FGF18: variants seen among roughly 807,000 people sequenced by gnomAD.
FGF18 encodes the protein fibroblast growth factor 18.
A neutral mutation model predicts 23.0 loss-of-function variants in FGF18; 5 were observed. The ratio of observed to expected loss-of-function variants is 0.22; its 90% CI spans 0.11 to 0.46. FGF18 has a LOEUF of 0.46. FGF18 is among the 20% of genes least tolerant of loss of function. FGF18 has a pLI of 0.99. For missense variants in FGF18, 180 were observed against 291.6 expected (o/e 0.62, Z 2.79); for synonymous variants, 117 against 118.9 (o/e 0.98, Z 0.10).
rs376902053 is a variant in FGF18, at chr5:171,436,292, C to T, written c.250+19C>T. The T allele has an allele frequency of 1.8e-4, 280 of 1,518,742 alleles. No homozygotes were observed. Among genetic ancestry groups the T allele is most frequent in the Non-Finnish European group, 2.4e-4 (271 of 1,127,244 alleles). The allele number at this position is 1,518,742 out of a possible 1,614,324, so 94.1% of individuals were successfully genotyped here. Reference sequence around the variant, plus strand: ...AAGTATGGTATGTGCCAACCCTCTCCTCCTACTCCGTGTACCCGTGTACAT... The same window carrying T: ...AAGTATGGTATGTGCCAACCCTCTCTTCCTACTCCGTGTACCCGTGTACAT... On this transcript the variant is annotated intron_variant, in intron 3 of 4. Transcript: ENST00000274625. The surrounding 1 kb of genome is among the most constrained non-coding windows in gnomAD (Gnocchi z 4.4).
intron 3 of FGF18, among the ~76,000 whole-genome samples, chr5:171,443,827 G>A (rs536632729): frequency 3.9e-5 from 6 of 152,076 alleles, no homozygotes; most frequent in African/African-American, 1.4e-4. Flanking sequence ...TTTTCTTTCT[G>A]CCACTCTCCT....
Position 171,451,228 on chromosome 5 carries a change from C to T in FGF18, c.357+1975C>T, listed in dbSNP as rs964364243. 6.6e-6 allele frequency among the ~76,000 whole-genome samples: 1 copy of T among 152,150 alleles called. No individual in the cohort carries two copies. The highest frequency in any genetic ancestry group is 2.4e-5 in the African/African-American group (1 of 41,452). ...AGCGGAGGGAGGCCCGGCCCCGGCCCCCGGCGCCTCCCCCGCTCCCGCCCA... is the reference window on the plus strand; with the variant it reads ...AGCGGAGGGAGGCCCGGCCCCGGCCTCCGGCGCCTCCCCCGCTCCCGCCCA... On this transcript the variant is annotated intron_variant, in intron 4 of 4. Coordinates refer to ENST00000274625, the MANE Select transcript of FGF18 (RefSeq NM_003862.3). The surrounding 1 kb of genome is among the most constrained non-coding windows in gnomAD (Gnocchi z 4.5).
intron 2 of FGF18, among the ~76,000 whole-genome samples, chr5:171,430,068 A>G (rs1262917401): frequency 6.6e-6 from 1 of 152,196 alleles, no homozygotes; most frequent in Non-Finnish European, 1.5e-5. Context: ...GGGAATAATA[A>G]TCGTACCAGG....
intron 4 of FGF18, among the ~76,000 whole-genome samples, chr5:171,452,320 A>G (rs140950043): frequency 3.1e-3 from 473 of 152,338 alleles, no homozygotes; most frequent in African/African-American, 0.011. Context: ...CTCCAGTGCC[A>G]ACTCCTTTGG....
At chr5:171,433,750 C>T (rs1286736895) in intron 2 of FGF18, among the ~76,000 whole-genome samples, 1 of 152,182 alleles carries the variant, frequency 6.6e-6, no homozygotes, top group Non-Finnish European at 1.5e-5. Flanking sequence ...TTAGTGTCTC[C>T]ATCCATTCAA....
chr5:171,423,495 G>T (rs930757980), intron 2 of FGF18, among the ~76,000 whole-genome samples: 3 of 152,124 alleles, frequency 2.0e-5, no homozygotes, highest in Non-Finnish European at 4.4e-5. Context: ...GCATGAGGCG[G>T]GCCAGGCTCG....
At chr5:171,445,862 A>G (rs946679267) in intron 3 of FGF18, among the ~76,000 whole-genome samples, 2 of 152,196 alleles carry the variant, frequency 1.3e-5, no homozygotes, top group African/African-American at 4.8e-5. Context: ...AGGCCCCACA[A>G]ATGGAGCTGT....
chr5:171,423,502 C>T (rs886400919), intron 2 of FGF18, among the ~76,000 whole-genome samples: 6 of 152,170 alleles, frequency 3.9e-5, no homozygotes, highest in Non-Finnish European at 5.9e-5. Context: ...GCGGGCCAGG[C>T]TCGGCGGGGT....
chr5:171,442,299 G>A (rs1233086862), intron 3 of FGF18, among the ~76,000 whole-genome samples: 6 of 152,100 alleles, frequency 3.9e-5, no homozygotes, highest in Admixed American at 6.5e-5. Flanking sequence ...ACAGGGAAGC[G>A]TCTCCAGAAA....
At position 171,451,303 on chromosome 5, in the gene FGF18, C is replaced by T. The variant is rs1182464412; in HGVS notation, c.357+2050C>T. Among the ~76,000 whole-genome samples the T allele has an allele frequency of 6.6e-6, 1 of 152,152 alleles. No homozygotes were observed. Among genetic ancestry groups the T allele is most frequent in the Non-Finnish European group, 1.5e-5 (1 of 68,012 alleles). On this transcript the variant is annotated intron_variant, in intron 4 of 4. Transcript: ENST00000274625. This position sits in a 1 kb window ranked among gnomAD's most constrained non-coding sequence, Gnocchi z 4.5. The stretch of plus-strand genomic sequence containing the variant: ...TTGCCAGCCTCCTGTCTTCTGGGCC[C>T]ACCCGGGGGACTCGAGGACGCCACC...
In FGF18 at chr5:171,439,922, C is replaced by T. The variant is rs79653060; in HGVS notation, c.250+3649C>T. On this transcript the variant is annotated intron_variant, in intron 3 of 4. Coordinates refer to ENST00000274625, the MANE Select transcript of FGF18 (RefSeq NM_003862.3). The stretch of plus-strand genomic sequence containing the variant: ...AAAATGATTAAAAAACCCCATTTTG[C>T]GGTAGGCCAGCCTCCAGACTGACAG... 5.8e-4 allele frequency among the ~76,000 whole-genome samples: 89 copies of T among 152,284 alleles called. 2 individuals are homozygous for T. In the East Asian group the frequency reaches 0.014, roughly 24 times the overall value.
Position 171,456,777 on chromosome 5 carries a change from G to T in FGF18, c.596G>T (p.Arg199Leu), listed in dbSNP as rs763585537. The change falls in exon 5 of 5, where the codon CGT (arginine) becomes CTT (leucine). Residue 199 changes from arginine to leucine, a missense_variant. Arg to Leu is a moderately radical substitution (Grantham distance 102, BLOSUM62 -2). Coordinates refer to ENST00000274625, the MANE Select transcript of FGF18 (RefSeq NM_003862.3). This position sits in a 1 kb window ranked among gnomAD's most constrained non-coding sequence, Gnocchi z 6.1. ...TACACGACGGTGACCAAGAGGTCCC[G>T]TCGGATCCGGCCCACACACCCTGCC... ...FKYTTVTKRSRRIRPTHPA is the reference protein window; with the variant it reads ...FKYTTVTKRSLRIRPTHPA 1.2e-6 allele frequency: 2 copies of T among 1,613,740 alleles called. No homozygotes were observed.
rs59576538 is a variant in FGF18 at position 171,443,501 on chromosome 5, A to ATTTT, written c.251-5618_251-5615dup. ...CAGATAAGTATTCACTGTTATCATC[A>ATTTT]TTTTTTTTTTTTTTTTTTTTTTTTT... On this transcript the variant is annotated intron_variant, in intron 3 of 4. Coordinates refer to ENST00000274625, the MANE Select transcript of FGF18 (RefSeq NM_003862.3). 2.7e-3 allele frequency among the ~76,000 whole-genome samples: 175 copies of ATTTT among 63,760 alleles called. 34 individuals carry two copies. The highest frequency in any genetic ancestry group is 0.013 in the East Asian group (19 of 1,456). 41.8% of individuals were successfully genotyped at this position (63,760 alleles called of 152,430 possible).
rs553085967 is a variant in FGF18 at position 171,451,186 on chromosome 5, G to A, written c.357+1933G>A. On this transcript the variant is annotated intron_variant, in intron 4 of 4. Coordinates refer to ENST00000274625, the MANE Select transcript of FGF18 (RefSeq NM_003862.3). This position sits in a 1 kb window ranked among gnomAD's most constrained non-coding sequence, Gnocchi z 4.5. ...TAATATTGGTGACGGTTCAGCTGGC[G>A]CGGCGCACCCTGGCGCAGCGGAGGG... 6.6e-6 allele frequency among the ~76,000 whole-genome samples: 1 copy of A among 152,018 alleles called. No individual in the cohort carries two copies. The highest frequency in any genetic ancestry group is 2.0e-4 in the East Asian group (1 of 5,118).
chr5:171,424,549 C>T (rs12521055), intron 2 of FGF18, among the ~76,000 whole-genome samples: 39,557 of 152,138 alleles, frequency 0.26, 6,276 homozygotes, highest in Admixed American at 0.34. Context: ...TCTACCATAG[C>T]AGATGGACCT....
chr5:171,451,360 C>T lies in FGF18; in HGVS notation c.357+2107C>T, dbSNP rs1423593656. ...ACCTGTCCAGGCTTGACCTCTGCCC[C>T]GCCCAGCGCCCCCTCGCTCTCTGGC... On this transcript the variant is annotated intron_variant, in intron 4 of 4. Transcript: ENST00000274625. This position sits in a 1 kb window ranked among gnomAD's most constrained non-coding sequence, Gnocchi z 4.5. Among the ~76,000 whole-genome samples, 4 of 152,236 alleles carry T rather than the reference C, an allele frequency of 2.6e-5. No homozygotes were observed. Among genetic ancestry groups the T allele is most frequent in the South Asian group, 2.1e-4 (1 of 4,826 alleles).
At chr5:171,449,286 G>C (rs199946177) in intron 4 of FGF18, 33 bp downstream of exon 4, 2 of 1,520,826 alleles carry the variant, frequency 1.3e-6, no homozygotes, top group Admixed American at 3.3e-5. Flanking sequence ...CGGGAACTTC[G>C]GGTTCCCCTC....
chr5:171,443,500 CATTTTTTTTT>C (rs1461016998), intron 3 of FGF18, among the ~76,000 whole-genome samples: 47 of 70,466 alleles, frequency 6.7e-4, no homozygotes, highest in African/African-American at 8.9e-4. Flanking sequence ...CTGTTATCAT[CATTTTTTTTT>C]TTTTTTTTTT....
At chr5:171,452,052 C>T (rs1454987971) in intron 4 of FGF18, among the ~76,000 whole-genome samples, 3 of 152,302 alleles carry the variant, frequency 2.0e-5, no homozygotes, top group Admixed American at 6.5e-5. Flanking sequence ...CAAAGGGCTC[C>T]GGGGGCACCA....
Sources: gnomAD v4.1 joint callset for allele counts (sites outside exome capture counted in the v4.1 genomes callset) on GRCh38, gnomAD v4.1.1 for gene constraint, Gnocchi (gnomAD v3.1) non-coding constraint, MANE v1.5 for transcripts, NCBI Gene and HGNC (gene_info 2026-07-23, HGNC 2026-07-21) for gene names.